The following NAV2 variants were observed in gnomAD, a reference collection of about 807,000 sequenced individuals.
The protein encoded by NAV2 is neuron navigator 2.
NAV2 carries 54 observed loss-of-function variants against 223.2 expected under a neutral mutation model. The ratio of observed to expected loss-of-function variants is 0.24; its 90% CI spans 0.19 to 0.30. NAV2 has a LOEUF of 0.30. Among genes scored for constraint, NAV2 ranks in the 10% least tolerant of loss-of-function variants. NAV2 has a pLI of 1.00. For missense variants in NAV2, 2,806 were observed against 3,147.5 expected, an observed-to-expected ratio of 0.89 and a Z score of 2.60; for synonymous variants, 1,279 against 1,239.3, an observed-to-expected ratio of 1.03 and a Z score of -0.67.
chr11:19,404,168 A>T (rs1260184585), intron 1 of NAV2, among the ~76,000 whole-genome samples: 1 of 152,184 alleles, frequency 6.6e-6, no homozygotes, highest in Non-Finnish European at 1.5e-5. Flanking sequence ...GCCCTGGCAT[A>T]ATCTTTGCCA....
At chr11:19,733,866 G>A (rs1178789224) in intron 1 of NAV2, among the ~76,000 whole-genome samples, 1 of 152,144 alleles carries the variant, frequency 6.6e-6, no homozygotes, top group Non-Finnish European at 1.5e-5. Context: ...AGTTGTGATA[G>A]TGATAGTGAT....
chr11:19,907,535 G>GGGGT, intron 6 of NAV2, among the ~76,000 whole-genome samples: 1 of 152,020 alleles, frequency 6.6e-6, no homozygotes, highest in African/African-American at 2.4e-5. Context: ...AGGGGGAGGG[G>GGGGT]GAATTTGAGA....
At position 19,933,641 on chromosome 11, in the gene NAV2, T is replaced by C; in HGVS notation, c.1397T>C (p.Ile466Thr). 1 of 1,614,144 alleles carries C rather than the reference T, an allele frequency of 6.2e-7. No homozygotes were observed. Among genetic ancestry groups the C allele is most frequent in the South Asian group, 1.1e-5 (1 of 91,076 alleles). The change falls in exon 7 of 38, where the codon ATT (isoleucine) becomes ACT (threonine). Residue 466 changes from isoleucine to threonine, a missense_variant. Ile to Thr is a moderately conservative substitution (Grantham distance 89). Coordinates refer to ENST00000349880, the MANE Select transcript of NAV2 (RefSeq NM_145117.5). The surrounding 1 kb of genome is among the most constrained non-coding windows in gnomAD (Gnocchi z 4.3). Reference sequence around the variant, plus strand: ...AGCCCCAAGATTGCACTCAAGGGCATTGCCCAGAGGACTTTTAGCCGGGCA... The same window carrying C: ...AGCCCCAAGATTGCACTCAAGGGCACTGCCCAGAGGACTTTTAGCCGGGCA... Reference protein sequence around the residue: ...SSSPKIALKGIAQRTFSRALT... With the variant: ...SSSPKIALKGTAQRTFSRALT...
At chr11:20,090,537 G>A (rs1039173515) in intron 26 of NAV2, among the ~76,000 whole-genome samples, 20 of 151,840 alleles carry the variant, frequency 1.3e-4, no homozygotes, top group African/African-American at 4.1e-4. Context: ...GACAAAAGTA[G>A]GAACTCAGGA....
intron 1 of NAV2, among the ~76,000 whole-genome samples, chr11:19,700,076 C>G (rs2049467123): frequency 6.6e-6 from 1 of 152,170 alleles, no homozygotes; most frequent in Non-Finnish European, 1.5e-5. Flanking sequence ...TGCAGTGGCC[C>G]TAAGGTAGGT....
At chr11:20,098,560 T>G (rs1407513993) in intron 31 of NAV2, among the ~76,000 whole-genome samples, 1 of 152,266 alleles carries the variant, frequency 6.6e-6, no homozygotes, top group Non-Finnish European at 1.5e-5. Context: ...TGCTCTTGAC[T>G]GCAGTTTTGC....
intron 6 of NAV2, among the ~76,000 whole-genome samples, chr11:19,930,940 A>G (rs946490187): frequency 1.3e-5 from 2 of 152,206 alleles, no homozygotes; most frequent in African/African-American, 4.8e-5. Flanking sequence ...CGCAGTTCCT[A>G]AAAGTGCTCT....
At chr11:19,855,544 G>A (rs986164252) in intron 3 of NAV2, among the ~76,000 whole-genome samples, 3 of 152,162 alleles carry the variant, frequency 2.0e-5, no homozygotes, top group African/African-American at 7.2e-5. Context: ...GTTACACAGA[G>A]TTGGATGTGA....
intron 5 of NAV2, among the ~76,000 whole-genome samples, chr11:19,891,802 T>G (rs2041519640): frequency 6.6e-6 from 1 of 152,228 alleles, no homozygotes; most frequent in Admixed American, 6.5e-5. Context: ...GCAAACAGTT[T>G]TTATACCTAT....
chr11:19,718,081 G>C (rs1322963538), intron 1 of NAV2, among the ~76,000 whole-genome samples: 2 of 113,948 alleles, frequency 1.8e-5, no homozygotes, highest in East Asian at 3.0e-4. Flanking sequence ...GCAGGAAACT[G>C]TGTTCTGCAG....
At chr11:19,956,655 A>G (rs1002591367) in intron 10 of NAV2, among the ~76,000 whole-genome samples, 3 of 152,146 alleles carry the variant, frequency 2.0e-5, no homozygotes, top group African/African-American at 7.2e-5. Flanking sequence ...GGCGGTGCAG[A>G]GCTTCCATGC....
At chr11:19,394,431 A>G (rs1849369974) in intron 1 of NAV2, among the ~76,000 whole-genome samples, 1 of 152,214 alleles carries the variant, frequency 6.6e-6, no homozygotes, top group Non-Finnish European at 1.5e-5. Flanking sequence ...GACACTTACT[A>G]TATTCCAGGC....
chr11:20,101,270 A>C, intron 32 of NAV2, 98 bp downstream of exon 32: 5 of 979,910 alleles, frequency 5.1e-6, no homozygotes, highest in Non-Finnish European at 6.1e-6. Flanking sequence ...CCTATCAACA[A>C]TCCTTGGGTG....
intron 1 of NAV2, among the ~76,000 whole-genome samples, chr11:19,802,268 G>A (rs769402574): frequency 6.6e-6 from 1 of 152,106 alleles, no homozygotes; most frequent in Non-Finnish European, 1.5e-5. Context: ...CATGGAGCTT[G>A]TGCAAGGGAT....
chr11:19,818,647 T>A (rs1203893085), intron 1 of NAV2, among the ~76,000 whole-genome samples: 2 of 152,214 alleles, frequency 1.3e-5, no homozygotes, highest in African/African-American at 4.8e-5. Context: ...CCAACTCTCT[T>A]GAGCCAGTCC....
chr11:19,797,132 G>T (rs1193102771), intron 1 of NAV2, among the ~76,000 whole-genome samples: 2 of 152,206 alleles, frequency 1.3e-5, no homozygotes, highest in Admixed American at 6.5e-5. Flanking sequence ...TCGAGCAGGA[G>T]AATGTGGGCC....
At chr11:20,025,394 T>G (rs1412468937) in intron 11 of NAV2, among the ~76,000 whole-genome samples, 1 of 152,238 alleles carries the variant, frequency 6.6e-6, no homozygotes, top group East Asian at 1.9e-4. Context: ...TTTGTTGATA[T>G]CCTTGGCAAA....
At chr11:19,891,394 C>A (rs891738607) in intron 5 of NAV2, among the ~76,000 whole-genome samples, 9 of 152,154 alleles carry the variant, frequency 5.9e-5, no homozygotes, top group Non-Finnish European at 1.2e-4. Flanking sequence ...GGACCAAAAT[C>A]CTGATTTGAG....
At chr11:20,004,983 T>A (rs918824337) in intron 11 of NAV2, among the ~76,000 whole-genome samples, 1 of 151,752 alleles carries the variant, frequency 6.6e-6, no homozygotes, top group Non-Finnish European at 1.5e-5. Context: ...CTTGGTGGAG[T>A]TGTGAGGCTT....
Sources: gnomAD v4.1 joint callset for allele counts (sites outside exome capture counted in the v4.1 genomes callset) on GRCh38, gnomAD v4.1.1 for gene constraint, Gnocchi (gnomAD v3.1) non-coding constraint, MANE v1.5 for transcripts, NCBI Gene and HGNC (gene_info 2026-07-23, HGNC 2026-07-21) for gene names.